BCOR: variants seen among roughly 807,000 people sequenced by gnomAD.
The protein encoded by BCOR is BCL-6 corepressor.
A neutral mutation model predicts 86.7 loss-of-function variants in BCOR; 10 were observed. The observed-to-expected ratio is 0.12, with a 90% CI of 0.07 to 0.20. The LOEUF (loss-of-function observed/expected upper bound fraction) is 0.20. BCOR is among the 10% of genes least tolerant of loss of function. The pLI, the probability that BCOR is intolerant of heterozygous loss-of-function variation, is 1.00. For synonymous variants in BCOR, 611 were observed against 609.0 expected (o/e 1.00, Z -0.05); for missense variants, 1,259 against 1,452.1 (o/e 0.87, Z 2.16).
Position 40,051,284 on chromosome X carries a change from T to C in BCOR, c.*825A>G, listed in dbSNP as rs1369947774. 6.0e-6 allele frequency: 1 copy of C among 166,100 alleles called. No homozygotes were observed. Among genetic ancestry groups the C allele is most frequent in the Admixed American group, 8.1e-5 (1 of 12,383 alleles). The allele number at this position is 166,100 out of a possible 1,213,427, so 13.7% of individuals were successfully genotyped here. On this transcript the variant is annotated 3_prime_UTR_variant, in exon 15 of 15. Transcript: ENST00000378444. ...TTTCCTCAACAGTTTTATTGCCTTT[T>C]AAGAAAATTTTTGTAAAATATAAAT...
At chrX:40,053,399 A>AG (rs1934424350) in intron 14 of BCOR, among the ~76,000 whole-genome samples, 1 of 111,894 alleles carries the variant, frequency 8.9e-6, no homozygotes. Flanking sequence ...GCTCAACCAT[A>AG]GGGGGCAGAG....
intron 1 of BCOR, among the ~76,000 whole-genome samples, chrX:40,171,156 C>T (rs1037191456): frequency 3.0e-4 from 34 of 112,086 alleles, no homozygotes; most frequent in African/African-American, 1.1e-3. Context: ...AGGTCAATGT[C>T]ATTTAGAATA....
In BCOR at chrX:40,071,035, T is replaced by C. The variant is rs773196526; in HGVS notation, c.3176A>G (p.Asp1059Gly). The C allele has an allele frequency of 8.3e-7, 1 of 1,211,979 alleles. No individual in the cohort carries two copies. Residue 1059 changes from aspartate to glycine, a missense_variant, in exon 6 of 15, where the codon GAC (aspartate) becomes GGC (glycine). Around this residue, in one of 7 missense-constraint regions of BCOR, gnomAD observed 56 missense variants for 106.6 expected, o/e 0.53. Coordinates refer to ENST00000378444, the MANE Select transcript of BCOR (RefSeq NM_001123385.2). ...ADWERLKGNQ[D>G]KKPKSVTLEE... ...CAGGGTGACCGACTTTGGCTTTTTG[T>C]CCTGATTTCCTTTCAACCTTTCCCA...
In BCOR at chrX:40,071,176, G is replaced by T. The variant is rs377256833; in HGVS notation, c.3052-17C>A. 8.9e-7 allele frequency: 1 copy of T among 1,128,673 alleles called. No individual in the cohort carries two copies. The allele number at this position is 1,128,673 out of a possible 1,213,427, so 93.0% of individuals were successfully genotyped here. A position where few individuals can be genotyped will look rare whatever the true frequency, so the allele number is the denominator to read the frequency against. On this transcript the variant is annotated splice_polypyrimidine_tract_variant and intron_variant, in intron 5 of 14. Transcript: ENST00000378444. ...CATTGCACGCTAGAAAGAGAACGGA[G>T]ATGGAAAAAAAAAAAAACAACACCT... is the stretch of plus-strand genomic sequence containing the variant.
At position 40,169,488 on chromosome X, in the gene BCOR, A is replaced by C. The variant is rs1268399939; in HGVS notation, c.-41+7519T>G. On this transcript the variant is annotated intron_variant, in intron 1 of 14. Transcript: ENST00000342274. Reference sequence around the variant, plus strand: ...TTCGCTGCACTTTTTATATGTAAAAACAGTCTTGGTACCTCCTAAACGGCT... The same window carrying C: ...TTCGCTGCACTTTTTATATGTAAAACCAGTCTTGGTACCTCCTAAACGGCT... Among the ~76,000 whole-genome samples the C allele has an allele frequency of 2.7e-5, 3 of 111,440 alleles. No homozygotes were observed. The East Asian group carries it at 8.4e-4, about 31-fold the overall frequency.
intron 11 of BCOR, among the ~76,000 whole-genome samples, chrX:40,056,953 T>G (rs1934628880): frequency 1.8e-5 from 2 of 112,522 alleles, no homozygotes; most frequent in African/African-American, 6.5e-5. Context: ...ATTATAGGAC[T>G]GATCAAAATT....
chrX:40,087,351 C>A (rs897909187), intron 1 of BCOR, among the ~76,000 whole-genome samples: 1 of 113,212 alleles, frequency 8.8e-6, no homozygotes, highest in Non-Finnish European at 1.9e-5. Context: ...CACGCCTAAT[C>A]GGTCCTTAAA....
At position 40,064,301 on chromosome X, in the gene BCOR, C is replaced by G. The variant is rs777455111; in HGVS notation, c.3502+35G>C. On this transcript the variant is annotated intron_variant, in intron 7 of 14. Transcript: ENST00000378444. ...CACTGTGGCCGCATGCAAAGGCCCA[C>G]CCCCCGGCAGGCGGGCGAAGCAGAC... 23 of 1,208,359 alleles carry G rather than the reference C, an allele frequency of 1.9e-5. No individual in the cohort carries two copies. The East Asian group carries it at 6.5e-4, about 34-fold the overall frequency.
chrX:40,068,771 T>A (rs1269654013), intron 6 of BCOR, among the ~76,000 whole-genome samples: 1 of 113,330 alleles, frequency 8.8e-6, no homozygotes, highest in African/African-American at 3.2e-5. Context: ...AATTTCTAAA[T>A]GAAAAACTCA....
intron 1 of BCOR, among the ~76,000 whole-genome samples, chrX:40,117,116 G>T (rs761191061): frequency 1.1e-4 from 12 of 112,588 alleles, no homozygotes; most frequent in Non-Finnish European, 2.1e-4. Context: ...TGACACCGAT[G>T]ATTAATGCGC....
chrX:40,154,615 A>C (rs930497942), intron 1 of BCOR, among the ~76,000 whole-genome samples: 23 of 106,857 alleles, frequency 2.2e-4, no homozygotes, highest in African/African-American at 7.9e-4. Context: ...AGTTTCCAAA[A>C]TAGAAAACAC....
At chrX:40,057,665 T>C (rs1173932952) in intron 10 of BCOR, among the ~76,000 whole-genome samples, 1 of 112,223 alleles carries the variant, frequency 8.9e-6, no homozygotes, top group Non-Finnish European at 1.9e-5. Context: ...GCTCAGTGCC[T>C]GGCACAGTGA....
chrX:40,117,960 T>C (rs868545554), intron 1 of BCOR, among the ~76,000 whole-genome samples: 4 of 94,446 alleles, frequency 4.2e-5, no homozygotes, highest in Admixed American at 2.2e-4. Context: ...CTCGCACTCT[T>C]TCTCTCTCTC....
chrX:40,175,532 C>A (rs914235760), intron 1 of BCOR, among the ~76,000 whole-genome samples: 7 of 113,583 alleles, frequency 6.2e-5, no homozygotes, highest in African/African-American at 2.2e-4. Flanking sequence ...CGTATCGACA[C>A]AGCATCTAAT....
intron 1 of BCOR, among the ~76,000 whole-genome samples, chrX:40,105,194 G>A (rs780031317): frequency 9.0e-6 from 1 of 110,991 alleles, no homozygotes; most frequent in South Asian, 3.7e-4. Context: ...CTCCCCGTGG[G>A]GGCTGGGCCG....
intron 2 of BCOR, among the ~76,000 whole-genome samples, 185 bp from the exon 3 acceptor site, chrX:40,076,717 G>C (rs1442097613): frequency 3.6e-5 from 4 of 112,327 alleles, no homozygotes; most frequent in African/African-American, 9.7e-5. Context: ...AACTTGACCA[G>C]GAAAAACAAA....
chrX:40,170,987 C>G (rs1016788111), intron 1 of BCOR, among the ~76,000 whole-genome samples: 1 of 111,596 alleles, frequency 9.0e-6, no homozygotes, highest in African/African-American at 3.3e-5. Flanking sequence ...CCTCAGAAAC[C>G]CATCCGAGGG....
upstream of BCOR, among the ~76,000 whole-genome samples, chrX:40,098,921 G>A (rs1937013684): frequency 8.9e-6 from 1 of 112,636 alleles, no homozygotes; most frequent in Non-Finnish European, 1.9e-5. Flanking sequence ...GTCGGCGAGC[G>A]GAGATCCGCC....
chrX:40,073,465 T>C lies in BCOR; in HGVS notation c.1881A>G (p.Lys627=), dbSNP rs1162736084. ...AKASNPEPSF[K]ANENGLPPSS... ...TTGGTGGAAGGCCGTTCTCGTTTGCTTTGAAACTCGGTTCTGGGTTGCTGG... is the reference window on the plus strand; with the variant it reads ...TTGGTGGAAGGCCGTTCTCGTTTGCCTTGAAACTCGGTTCTGGGTTGCTGG... Residue 627 remains lysine, a synonymous_variant, in exon 4 of 15, where the codon AAA becomes AAG. Transcript: ENST00000378444. 8.2e-7 allele frequency: 1 copy of C among 1,212,469 alleles called. No individual in the cohort carries two copies.
Sources: allele counts gnomAD v4.1 joint callset (sites outside exome capture counted in the v4.1 genomes callset), GRCh38; gene constraint gnomAD v4.1.1; regional missense constraint gnomAD v4.1.1; transcripts MANE v1.5; gene names NCBI Gene and HGNC (gene_info 2026-07-23, HGNC 2026-07-21).